Variants in JAZF1 observed in about 807,000 individuals in gnomAD.
JAZF1 encodes juxtaposed with another zinc finger protein 1.
Under a neutral mutation model 26.4 loss-of-function variants are expected in JAZF1, and 8 were observed. That is an observed-to-expected ratio of 0.30 (90% CI 0.18 to 0.55). The LOEUF is 0.55. JAZF1 is among the 20% of genes least tolerant of loss of function. The pLI, the probability that JAZF1 is intolerant of heterozygous loss-of-function variation, is 0.94. For missense variants in JAZF1, 199 were observed against 322.0 expected (o/e 0.62, Z 2.92); for synonymous variants, 126 against 122.3 (o/e 1.03, Z -0.20).
intron 2 of JAZF1, among the ~76,000 whole-genome samples, chr7:27,920,349 G>A (rs1292089643): frequency 6.6e-6 from 1 of 152,100 alleles, no homozygotes; most frequent in Admixed American, 6.6e-5. Context: ...ATAAAATCAG[G>A]ACATTATTTA....
intron 2 of JAZF1, among the ~76,000 whole-genome samples, chr7:27,907,971 C>A (rs1784291935): frequency 6.6e-6 from 1 of 152,152 alleles, no homozygotes; most frequent in Non-Finnish European, 1.5e-5. Context: ...CGTGGACTTA[C>A]ACATTTTCTT....
In JAZF1 at chr7:28,092,290, C is replaced by CCAAA. The variant is rs1784310777; in HGVS notation, c.115+88172_115+88173insTTTG. On this transcript the variant is annotated intron_variant, in intron 1 of 4. Coordinates refer to ENST00000283928, the MANE Select transcript of JAZF1 (RefSeq NM_175061.4). The stretch of plus-strand genomic sequence containing the variant: ...AACATCCCATTTCAGGGACAAAAGG[C>CCAAA]AAAAAAAAAAAAAAAAAAAAAAAAA... Among the ~76,000 whole-genome samples, 5 of 12,802 alleles carry CCAAA rather than the reference C, an allele frequency of 3.9e-4. 1 individual carries two copies. The highest frequency in any genetic ancestry group is 1.1e-3 in the African/African-American group (5 of 4,646). 8.4% of individuals were successfully genotyped at this position (12,802 alleles called of 152,430 possible).
chr7:27,935,620 G>A (rs1403136694), intron 2 of JAZF1, among the ~76,000 whole-genome samples: 1 of 152,178 alleles, frequency 6.6e-6, no homozygotes, highest in Non-Finnish European at 1.5e-5. Flanking sequence ...AGGTTGTATT[G>A]ATGGCTGCAC....
chr7:27,948,301 G>A (rs1278374019), intron 2 of JAZF1, among the ~76,000 whole-genome samples: 1 of 152,130 alleles, frequency 6.6e-6, no homozygotes, highest in Non-Finnish European at 1.5e-5. Context: ...GCTTATCATT[G>A]CAAACACAGC....
At chr7:27,910,175 T>C (rs1440895297) in intron 2 of JAZF1, among the ~76,000 whole-genome samples, 1 of 152,188 alleles carries the variant, frequency 6.6e-6, no homozygotes, top group Non-Finnish European at 1.5e-5. Flanking sequence ...TCTTGCACAG[T>C]ATAGTGAGAT....
chr7:28,093,407 G>A (rs60587011), intron 1 of JAZF1, among the ~76,000 whole-genome samples: 3 of 152,122 alleles, frequency 2.0e-5, no homozygotes, highest in African/African-American at 4.8e-5. Context: ...CCAGCTACAC[G>A]GAACTGTGAG....
chr7:28,117,716 G>GTAAA (rs1380431899), intron 1 of JAZF1, among the ~76,000 whole-genome samples: 2 of 152,118 alleles, frequency 1.3e-5, no homozygotes, highest in African/African-American at 4.8e-5. Flanking sequence ...CACTACAGAG[G>GTAAA]TAAATACAAC....
intron 1 of JAZF1, among the ~76,000 whole-genome samples, chr7:28,019,892 T>C (rs1233837671): frequency 2.0e-5 from 3 of 152,180 alleles, no homozygotes; most frequent in Non-Finnish European, 1.5e-5. Context: ...GCCACTAGTT[T>C]ACCAGCTAGT....
chr7:27,833,582 C>G (rs1048925455), intron 4 of JAZF1, among the ~76,000 whole-genome samples: 2 of 152,190 alleles, frequency 1.3e-5, no homozygotes, highest in African/African-American at 4.8e-5. Flanking sequence ...CCCCGCCGTA[C>G]AGTTGTACAT....
intron 2 of JAZF1, among the ~76,000 whole-genome samples, chr7:27,933,196 T>C (rs34882918): frequency 1.3e-5 from 2 of 152,234 alleles, no homozygotes; most frequent in African/African-American, 2.4e-5. Context: ...GAGGGTTTAA[T>C]AAAGACAACA....
intron 3 of JAZF1, chr7:27,864,207 A>C (rs1783432499): frequency 6.6e-6 from 1 of 152,166 alleles, no homozygotes; most frequent in African/African-American, 2.4e-5. Context: ...CCCTAATTCC[A>C]TGGCCCGCGA....
intron 2 of JAZF1, among the ~76,000 whole-genome samples, chr7:27,964,143 A>G (rs945264074): frequency 6.6e-6 from 1 of 152,180 alleles, no homozygotes; most frequent in Admixed American, 6.5e-5. Context: ...ACACACAAAA[A>G]TTGTTACAAA....
chr7:28,173,633 T>G (rs1172138063), intron 1 of JAZF1, among the ~76,000 whole-genome samples: 1 of 152,052 alleles, frequency 6.6e-6, no homozygotes, highest in East Asian at 1.9e-4. Context: ...GAGGTCTATC[T>G]CAGGAGAAAG....
At position 27,972,430 on chromosome 7, in the gene JAZF1, G is replaced by A. The variant is rs535578611; in HGVS notation, c.188+19479C>T. On this transcript the variant is annotated intron_variant, in intron 2 of 4. Transcript: ENST00000283928. The stretch of plus-strand genomic sequence containing the variant: ...AACCCCAACTCTTTTAGGGGAAGGA[G>A]GATGGGGGTAAGAGGTGAGGCTGGA... Among the ~76,000 whole-genome samples, 13 of 152,324 alleles carry A rather than the reference G, an allele frequency of 8.5e-5. No homozygotes were observed. In the South Asian group the frequency reaches 2.7e-3, roughly 32 times the overall value.
chr7:27,885,304 A>G (rs1471541516), intron 3 of JAZF1, among the ~76,000 whole-genome samples: 1 of 152,228 alleles, frequency 6.6e-6, no homozygotes, highest in Non-Finnish European at 1.5e-5. Flanking sequence ...CACCTGCTGG[A>G]AACATCCAGT....
chr7:27,937,842 G>A (rs1202665171), intron 2 of JAZF1, among the ~76,000 whole-genome samples: 1 of 152,160 alleles, frequency 6.6e-6, no homozygotes, highest in South Asian at 2.1e-4. Flanking sequence ...CAGGATTACT[G>A]ATACTGTAAA....
intron 1 of JAZF1, chr7:27,992,306 C>T: frequency 2.2e-6 from 1 of 446,358 alleles, no homozygotes; most frequent in South Asian, 1.8e-5. Context: ...GGTTCATCGG[C>T]CTAAGAAAGA....
chr7:28,077,687 T>A (rs926529339), intron 1 of JAZF1, among the ~76,000 whole-genome samples: 4 of 152,166 alleles, frequency 2.6e-5, no homozygotes, highest in Non-Finnish European at 5.9e-5. Flanking sequence ...GTCTTAGAAT[T>A]TGGGAGCTTA....
intron 1 of JAZF1, among the ~76,000 whole-genome samples, chr7:28,082,784 A>G: frequency 6.6e-6 from 1 of 150,772 alleles, no homozygotes; most frequent in East Asian, 2.0e-4. Context: ...TTCCAATTCC[A>G]CTCCCAGTGA....
Sources: allele counts gnomAD v4.1 joint callset (sites outside exome capture counted in the v4.1 genomes callset), GRCh38; gene constraint gnomAD v4.1.1; transcripts MANE v1.5; gene names NCBI Gene and HGNC (gene_info 2026-07-23, HGNC 2026-07-21).